The following MOSMO variants were observed in gnomAD, a reference collection of about 807,000 sequenced individuals.
MOSMO encodes modulator of smoothened protein.
A neutral mutation model predicts 18.4 loss-of-function variants in MOSMO; 5 were observed. The observed-to-expected ratio is 0.27, with a 90% confidence interval of 0.14 to 0.57. MOSMO has a LOEUF of 0.57. MOSMO is among the 20% of genes least tolerant of loss of function. The pLI is 0.92. For missense variants in MOSMO, 138 were observed against 211.8 expected, an observed-to-expected ratio of 0.65 and a Z score of 2.16; for synonymous variants, 82 against 82.3, an observed-to-expected ratio of 1.00 and a Z score of 0.02.
At chr16:22,015,220 CA>C (rs1899613337) in intron 1 of MOSMO, among the ~76,000 whole-genome samples, 1 of 152,008 alleles carries the variant, frequency 6.6e-6, no homozygotes. Context: ...TTAAACTTAG[CA>C]TAATGTTCTC....
chr16:22,055,704 A>G (rs139128481), intron 1 of MOSMO, among the ~76,000 whole-genome samples: 1 of 152,348 alleles, frequency 6.6e-6, no homozygotes, highest in East Asian at 1.9e-4. Context: ...AATTCTTTCC[A>G]GAACAATCAT....
intron 1 of MOSMO, among the ~76,000 whole-genome samples, chr16:22,025,046 G>A (rs1255286032): frequency 6.6e-6 from 1 of 151,556 alleles, no homozygotes; most frequent in Non-Finnish European, 1.5e-5. Context: ...CTAGCTACTC[G>A]GGAGGCTGAG....
In MOSMO at chr16:22,081,871, A is replaced by G. The variant is rs1371101420; in HGVS notation, c.*991A>G. 2.6e-5 allele frequency: 4 copies of G among 152,090 alleles called. No homozygotes were observed. The highest frequency in any genetic ancestry group is 5.9e-5 in the Non-Finnish European group (4 of 68,020). The allele number at this position is 152,090 out of a possible 1,614,324, so 9.4% of individuals were successfully genotyped here. ...GGTACAGATAATCCCATACCTTTCTAGGTGCGATTTTAAGTTAAGCTAAAA... is the reference window on the plus strand; with the variant it reads ...GGTACAGATAATCCCATACCTTTCTGGGTGCGATTTTAAGTTAAGCTAAAA... On this transcript the variant is annotated 3_prime_UTR_variant, in exon 3 of 3. Coordinates refer to ENST00000542527, the MANE Select transcript of MOSMO (RefSeq NM_001164579.2).
chr16:22,008,625 C>A (rs1392584468), intron 1 of MOSMO, among the ~76,000 whole-genome samples: 6 of 151,710 alleles, frequency 4.0e-5, no homozygotes, highest in African/African-American at 1.5e-4. Context: ...GGAGAGGCGC[C>A]CCAGGCCGGG....
intron 1 of MOSMO, among the ~76,000 whole-genome samples, chr16:22,053,045 C>T (rs968080881): frequency 8.0e-5 from 12 of 149,196 alleles, no homozygotes; most frequent in African/African-American, 2.7e-4. Flanking sequence ...ACCTCCACTT[C>T]CCAGGTTCAA....
At chr16:22,024,772 G>A (rs1385942202) in intron 1 of MOSMO, among the ~76,000 whole-genome samples, 1 of 152,130 alleles carries the variant, frequency 6.6e-6, no homozygotes, top group Non-Finnish European at 1.5e-5. Context: ...TTATGGCAGG[G>A]ACATATGTGT....
At chr16:22,036,161 C>T (rs1158531298) in intron 1 of MOSMO, among the ~76,000 whole-genome samples, 1 of 152,152 alleles carries the variant, frequency 6.6e-6, no homozygotes, top group Non-Finnish European at 1.5e-5. Context: ...GAGTCTCGCT[C>T]TCTCTCCCAG....
chr16:22,054,979 T>A (rs1598015782), intron 1 of MOSMO, among the ~76,000 whole-genome samples: 2 of 152,196 alleles, frequency 1.3e-5, no homozygotes, highest in East Asian at 3.9e-4. Flanking sequence ...TTTTTTTCTT[T>A]ACATTTATTA....
chr16:22,051,987 G>GT (rs1463148684), intron 1 of MOSMO, among the ~76,000 whole-genome samples: 3 of 151,642 alleles, frequency 2.0e-5, no homozygotes, highest in Non-Finnish European at 2.9e-5. Context: ...TGGTTTGAGA[G>GT]TTTTTTTCCT....
intron 1 of MOSMO, among the ~76,000 whole-genome samples, chr16:22,056,476 T>C (rs1900538823): frequency 6.8e-6 from 1 of 148,102 alleles, no homozygotes; most frequent in Non-Finnish European, 1.5e-5. Flanking sequence ...GGTCAAGCAA[T>C]TCTCCTGCCT....
At chr16:22,022,112 CA>C (rs1412662386) in intron 1 of MOSMO, among the ~76,000 whole-genome samples, 1 of 151,920 alleles carries the variant, frequency 6.6e-6, no homozygotes, top group Non-Finnish European at 1.5e-5. Context: ...GCCCACTATA[CA>C]GTTACTGAAG....
chr16:22,053,967 T>G (rs1344017049), intron 1 of MOSMO, among the ~76,000 whole-genome samples: 1 of 152,140 alleles, frequency 6.6e-6, no homozygotes, highest in Non-Finnish European at 1.5e-5. Context: ...TAAAAATGTG[T>G]GTATAGAGAG....
At chr16:22,030,549 T>G (rs1207869212) in intron 1 of MOSMO, among the ~76,000 whole-genome samples, 2 of 152,190 alleles carry the variant, frequency 1.3e-5, no homozygotes, top group African/African-American at 4.8e-5. Flanking sequence ...CCTCTCCCTG[T>G]TTTTTGAGAC....
intron 1 of MOSMO, among the ~76,000 whole-genome samples, chr16:22,054,542 CT>C (rs1439366605): frequency 3.9e-5 from 6 of 152,318 alleles, no homozygotes; most frequent in African/African-American, 1.4e-4. Flanking sequence ...TTACCTCTCT[CT>C]TTATATTGTT....
At chr16:22,049,645 T>A (rs1192612467) in intron 1 of MOSMO, among the ~76,000 whole-genome samples, 3 of 152,156 alleles carry the variant, frequency 2.0e-5, no homozygotes, top group Non-Finnish European at 4.4e-5. Flanking sequence ...ATTTATGGTA[T>A]TTTTCTTTAT....
intron 1 of MOSMO, among the ~76,000 whole-genome samples, chr16:22,062,997 C>A (rs1008665608): frequency 2.0e-5 from 3 of 152,212 alleles, no homozygotes; most frequent in African/African-American, 7.2e-5. Context: ...GGATTACAGG[C>A]ACATGCCACC....
At chr16:22,064,391 A>G (rs1189771765) in intron 1 of MOSMO, 5 of 456,344 alleles carry the variant, frequency 1.1e-5, no homozygotes, top group Non-Finnish European at 2.2e-5. Flanking sequence ...TTATTCATTC[A>G]GGTGAAATAA....
At chr16:22,072,760 T>C (rs550426963) in intron 1 of MOSMO, among the ~76,000 whole-genome samples, 2 of 149,096 alleles carry the variant, frequency 1.3e-5, no homozygotes, top group East Asian at 2.0e-4. Context: ...TGCCGTGATA[T>C]CGCGCCACTG....
chr16:22,032,997 A>G (rs914168488), intron 1 of MOSMO, among the ~76,000 whole-genome samples: 1 of 152,204 alleles, frequency 6.6e-6, no homozygotes, highest in African/African-American at 2.4e-5. Context: ...CTGATCATAA[A>G]TGTGAGAGTT....
Sources: gnomAD v4.1 joint callset for allele counts (sites outside exome capture counted in the v4.1 genomes callset) on GRCh38, gnomAD v4.1.1 for gene constraint, MANE v1.5 for transcripts, NCBI Gene and HGNC (gene_info 2026-07-23, HGNC 2026-07-21) for gene names.